The following ATP10B variants were observed in gnomAD, a reference collection of about 807,000 sequenced individuals.
The protein encoded by ATP10B is phospholipid-transporting ATPase VB.
ATP10B carries 122 observed loss-of-function variants against 141.2 expected under a neutral mutation model. The ratio of observed to expected loss-of-function variants is 0.86; its 90% CI spans 0.75 to 1.00. The LOEUF is 1.00. ATP10B is among the 50% of genes least tolerant of loss of function. ATP10B has a pLI of 0.00. For missense variants in ATP10B, 1,876 were observed against 1,825.3 expected, an observed-to-expected ratio of 1.03 and a Z score of -0.51; for synonymous variants, 685 against 692.0, an observed-to-expected ratio of 0.99 and a Z score of 0.16.
rs1754397842 is a variant in ATP10B at position 160,563,960 on chromosome 5, G to A, written c.*1493C>T. On this transcript the variant is annotated 3_prime_UTR_variant, in exon 26 of 26. Transcript: ENST00000327245. ...CAGTGAAACAGTGTATTAGCTCCAG[G>A]ACAGTGCTGCAAATGGCCCTTCCAG... The A allele has an allele frequency of 6.6e-6, 1 of 152,180 alleles. No individual in the cohort carries two copies. The highest frequency in any genetic ancestry group is 2.4e-5 in the African/African-American group (1 of 41,438). The allele number at this position is 152,180 out of a possible 1,614,324, so 9.4% of individuals were successfully genotyped here. A position where few individuals can be genotyped will look rare whatever the true frequency, so the allele number is the denominator to read the frequency against.
At chr5:160,645,116 T>TAA (rs55774256) in intron 8 of ATP10B, among the ~76,000 whole-genome samples, 12,054 of 134,248 alleles carry the variant, frequency 0.09, 699 homozygotes, top group East Asian at 0.28. Context: ...GACTCCATCT[T>TAA]AAAAAAAAAA....
chr5:160,568,262 T>C (rs1035769130), intron 25 of ATP10B, among the ~76,000 whole-genome samples: 1 of 151,656 alleles, frequency 6.6e-6, no homozygotes, highest in African/African-American at 2.4e-5. Context: ...TGGTGAAGAG[T>C]CGTCTGCTAA....
At chr5:160,650,135 C>T (rs934146651) in intron 7 of ATP10B, among the ~76,000 whole-genome samples, 48 of 140,932 alleles carry the variant, frequency 3.4e-4, no homozygotes, top group African/African-American at 1.1e-3. Flanking sequence ...TATATATATA[C>T]ACACACACAC....
At chr5:160,888,868 G>C in the ATP10B span, among the ~76,000 whole-genome samples, 2 of 152,150 alleles carry the variant, frequency 1.3e-5, no homozygotes, top group Non-Finnish European at 2.9e-5. Context: ...AGATATAGAT[G>C]TTACTGGGGA....
At chr5:160,723,267 G>T (rs1766103884) in intron 2 of ATP10B, among the ~76,000 whole-genome samples, 1 of 152,212 alleles carries the variant, frequency 6.6e-6, no homozygotes, top group Non-Finnish European at 1.5e-5. Context: ...GATATGGCAT[G>T]AACTTGACAG....
rs1434652819 is a variant in ATP10B, at chr5:160,565,785, T to C, written c.4054A>G (p.Arg1352Gly). 1 of 1,614,018 alleles carries C rather than the reference T, an allele frequency of 6.2e-7. No homozygotes were observed. Among genetic ancestry groups the C allele is most frequent in the African/African-American group, 1.3e-5 (1 of 74,932 alleles). Residue 1352 changes from arginine to glycine, a missense_variant, in exon 26 of 26, where the codon AGA (arginine) becomes GGA (glycine). Transcript: ENST00000327245. ...RNLEIQSWRS[R>G]QRPAPVPEVA... ...TCGGGGACAGGGGCAGGCCTCTGTC[T>C]GCTTCTCCAACTCTGGATTTCCAGG...
At chr5:160,920,228 AAAG>A in the ATP10B span, among the ~76,000 whole-genome samples, 31 of 152,250 alleles carry the variant, frequency 2.0e-4, no homozygotes, top group Non-Finnish European at 2.2e-4. Flanking sequence ...GAAGCTGCTC[AAAG>A]AAGAATTTGA....
At chr5:160,846,045 A>C (rs1776097673) in intron 1 of ATP10B, among the ~76,000 whole-genome samples, 1 of 152,220 alleles carries the variant, frequency 6.6e-6, no homozygotes, top group Admixed American at 6.5e-5. Context: ...AGAAGGGAAC[A>C]CAGACATGCA....
intron 2 of ATP10B, among the ~76,000 whole-genome samples, chr5:160,739,024 T>C (rs1242487572): frequency 6.6e-6 from 1 of 152,146 alleles, no homozygotes; most frequent in African/African-American, 2.4e-5. Flanking sequence ...GAAATCAAGG[T>C]TGGATTTAAT....
At chr5:160,672,287 T>G (rs1237171832) in intron 6 of ATP10B, among the ~76,000 whole-genome samples, 2 of 152,104 alleles carry the variant, frequency 1.3e-5, no homozygotes. Context: ...GCATTGTATT[T>G]TCAAAGAACT....
At chr5:160,856,527 C>G (rs7706569), upstream of ATP10B, among the ~76,000 whole-genome samples, 112,174 of 151,596 alleles carry the variant, frequency 0.74, 42,936 homozygotes, top group East Asian at 0.98. Context: ...CTCACTGAAA[C>G]TTTTAAGGCT....
In ATP10B at chr5:160,612,836, T is replaced by C. The variant is rs770669534; in HGVS notation, c.2743A>G (p.Thr915Ala). 2 of 1,614,112 alleles carry C rather than the reference T, an allele frequency of 1.2e-6. No homozygotes were observed. The highest frequency in any genetic ancestry group is 1.7e-6 in the Non-Finnish European group (2 of 1,179,980). Residue 915 changes from threonine to alanine, a missense_variant, in exon 18 of 26, where the codon ACT becomes GCT. Transcript: ENST00000327245. The part of the protein sequence containing the change: ...REAGIQLWVL[T>A]GDKQETAVNI... ...ACCGCTGTCTCCTGCTTATCTCCAGTCAGGACCCAGAGCTGGATCCCAGCC... is the reference window on the plus strand; with the variant it reads ...ACCGCTGTCTCCTGCTTATCTCCAGCCAGGACCCAGAGCTGGATCCCAGCC...
intron 6 of ATP10B, among the ~76,000 whole-genome samples, chr5:160,677,126 A>G (rs948627252): frequency 6.6e-6 from 1 of 152,228 alleles, no homozygotes; most frequent in Non-Finnish European, 1.5e-5. Flanking sequence ...TTACCCGTGG[A>G]CATACAAATC....
At chr5:160,724,251 CTTTTT>C (rs35786358) in intron 2 of ATP10B, among the ~76,000 whole-genome samples, 5 of 107,070 alleles carry the variant, frequency 4.7e-5, no homozygotes, top group Admixed American at 1.0e-4. Flanking sequence ...GCTATAATTC[CTTTTT>C]TTTTTTTTTT....
chr5:160,640,838 T>G (rs1464912206), intron 9 of ATP10B, among the ~76,000 whole-genome samples: 1 of 152,232 alleles, frequency 6.6e-6, no homozygotes, highest in East Asian at 1.9e-4. Flanking sequence ...AGAGCTCCCA[T>G]GCACAGGCTA....
intron 1 of ATP10B, among the ~76,000 whole-genome samples, chr5:160,845,904 T>A (rs945821115): frequency 6.6e-6 from 1 of 152,206 alleles, no homozygotes; most frequent in African/African-American, 2.4e-5. Context: ...CACGCTGATG[T>A]CTTTTCCCTA....
At chr5:160,820,157 G>A (rs1417111939) in intron 1 of ATP10B, among the ~76,000 whole-genome samples, 2 of 150,388 alleles carry the variant, frequency 1.3e-5, no homozygotes, top group African/African-American at 4.9e-5. Flanking sequence ...AAAAAAAGAG[G>A]GAAGACTCAA....
At chr5:160,921,109 TAAATATTGTCATTCTTCCTCTACAGGATC>T in the ATP10B span, among the ~76,000 whole-genome samples, 35 of 152,302 alleles carry the variant, frequency 2.3e-4, no homozygotes, top group South Asian at 6.2e-4. Context: ...TCTATCGGAT[TAAATATTGTCATTCTTCCTCTACAGGATC>T]AAATATTGTC....
chr5:160,581,788 C>G (rs1014685786), intron 24 of ATP10B, among the ~76,000 whole-genome samples: 1 of 152,158 alleles, frequency 6.6e-6, no homozygotes, highest in African/African-American at 2.4e-5. Context: ...GAGTCTAAGT[C>G]TCTTTGTAGG....
Sources: gnomAD v4.1 joint callset for allele counts (sites outside exome capture counted in the v4.1 genomes callset) on GRCh38, gnomAD v4.1.1 for gene constraint, MANE v1.5 for transcripts, NCBI Gene and HGNC (gene_info 2026-07-23, HGNC 2026-07-21) for gene names.